The following CACNA2D3 variants were observed in gnomAD, a reference collection of about 807,000 sequenced individuals.
CACNA2D3 encodes voltage-dependent calcium channel subunit alpha-2/delta-3.
A neutral mutation model predicts 160.6 loss-of-function variants in CACNA2D3; 60 were observed. The observed-to-expected ratio is 0.37, with a 90% confidence interval of 0.30 to 0.46. The LOEUF (loss-of-function observed/expected upper bound fraction) is 0.46. CACNA2D3 is among the 20% of genes least tolerant of loss of function. The pLI, the probability that CACNA2D3 is intolerant of heterozygous loss-of-function variation, is 1.00. For missense variants in CACNA2D3, 1,205 were observed against 1,365.0 expected (o/e 0.88, Z 1.85); for synonymous variants, 558 against 492.9 (o/e 1.13, Z -1.75).
At chr3:54,929,490 G>A (rs937224645) in intron 27 of CACNA2D3, among the ~76,000 whole-genome samples, 2 of 152,094 alleles carry the variant, frequency 1.3e-5, no homozygotes, top group African/African-American at 4.8e-5. Context: ...ATCAAATTTT[G>A]ATTATTTTCA....
Position 54,944,814 on chromosome 3 carries a change from G to GGTGT in CACNA2D3, c.2450-23611_2450-23608dup, listed in dbSNP as rs34193625. ...TATATTGACTGTAGTTAGAGCTGGG[G>GGTGT]GTGTGTGTGTGTGTGTGTGTGTGTG... is the stretch of plus-strand genomic sequence containing the variant. On this transcript the variant is annotated intron_variant, in intron 27 of 37. Coordinates refer to ENST00000474759, the MANE Select transcript of CACNA2D3 (RefSeq NM_018398.3). Among the ~76,000 whole-genome samples, 341 of 111,398 alleles carry GGTGT rather than the reference G, an allele frequency of 3.1e-3. 1 individual carries two copies. Among genetic ancestry groups the GGTGT allele is most frequent in the African/African-American group, 8.5e-3 (196 of 23,116 alleles). 73.1% of individuals were successfully genotyped at this position (111,398 alleles called of 152,430 possible). A position where few individuals can be genotyped will look rare whatever the true frequency, so the allele number is the denominator to read the frequency against.
intron 2 of CACNA2D3, among the ~76,000 whole-genome samples, chr3:54,291,771 G>A (rs57079800): frequency 0.22 from 33,009 of 152,038 alleles, 3,721 homozygotes; most frequent in East Asian, 0.32. Context: ...TCTAGGAATG[G>A]GAGTGCTGAA....
At chr3:54,122,985 G>T (rs1018467733) in intron 1 of CACNA2D3, 150 bp downstream of exon 1, 3 of 698,430 alleles carry the variant, frequency 4.3e-6, no homozygotes, top group Non-Finnish European at 5.8e-6. Context: ...GACCCGCGTC[G>T]GGCGGCGAGG....
chr3:54,841,184 C>T (rs192305246), intron 16 of CACNA2D3, among the ~76,000 whole-genome samples: 2 of 152,338 alleles, frequency 1.3e-5, no homozygotes, highest in East Asian at 1.9e-4. Flanking sequence ...AAGTACTTTA[C>T]ATGCATTATT....
intron 29 of CACNA2D3, among the ~76,000 whole-genome samples, chr3:54,978,324 C>A (rs1037603786): frequency 5.3e-5 from 8 of 152,052 alleles, no homozygotes; most frequent in African/African-American, 1.9e-4. Flanking sequence ...ACCCTTAATC[C>A]TAAGGGTTGC....
chr3:54,700,394 CATTTA>C, intron 11 of CACNA2D3, among the ~76,000 whole-genome samples: 1 of 152,356 alleles, frequency 6.6e-6, no homozygotes, highest in East Asian at 1.9e-4. Flanking sequence ...TTAAAATTCA[CATTTA>C]ATTTAATTAA....
intron 27 of CACNA2D3, among the ~76,000 whole-genome samples, chr3:54,905,008 T>C (rs543364023): frequency 6.6e-6 from 1 of 152,204 alleles, no homozygotes; most frequent in Non-Finnish European, 1.5e-5. Context: ...AGGTGATGCT[T>C]AGAATAGCTA....
At chr3:54,501,712 G>A (rs1321781541) in intron 4 of CACNA2D3, among the ~76,000 whole-genome samples, 1 of 151,970 alleles carries the variant, frequency 6.6e-6, no homozygotes, top group Non-Finnish European at 1.5e-5. Context: ...GAGCCACTGT[G>A]CCTGGCCAAA....
intron 27 of CACNA2D3, among the ~76,000 whole-genome samples, chr3:54,919,280 T>G (rs949734990): frequency 2.0e-5 from 3 of 152,246 alleles, no homozygotes; most frequent in Admixed American, 6.5e-5. Flanking sequence ...AGAAAACTTT[T>G]GTACCAGATT....
At chr3:54,481,969 G>C (rs1024626939) in intron 4 of CACNA2D3, among the ~76,000 whole-genome samples, 1 of 152,140 alleles carries the variant, frequency 6.6e-6, no homozygotes, top group Non-Finnish European at 1.5e-5. Flanking sequence ...AGATATTTAC[G>C]TTCCTTTGGG....
chr3:54,557,282 C>T (rs55771781), intron 5 of CACNA2D3, among the ~76,000 whole-genome samples: 2 of 152,080 alleles, frequency 1.3e-5, no homozygotes, highest in Admixed American at 6.6e-5. Context: ...AATCGAAGCC[C>T]CCTCTTCTTG....
At chr3:54,657,890 A>G (rs1456278327) in intron 11 of CACNA2D3, among the ~76,000 whole-genome samples, 2 of 152,102 alleles carry the variant, frequency 1.3e-5, no homozygotes, top group African/African-American at 4.8e-5. Context: ...TTAGCCTGGC[A>G]TGGTGGCACA....
At chr3:55,055,840 G>T in intron 35 of CACNA2D3, among the ~76,000 whole-genome samples, 1 of 152,030 alleles carries the variant, frequency 6.6e-6, no homozygotes, top group South Asian at 2.1e-4. Context: ...TTTTTGAATA[G>T]TTCAGTGTTA....
intron 4 of CACNA2D3, among the ~76,000 whole-genome samples, chr3:54,460,679 A>C (rs1700486472): frequency 6.6e-6 from 1 of 152,190 alleles, no homozygotes; most frequent in South Asian, 2.1e-4. Context: ...TTTTGGGCTG[A>C]GGCAATGGGG....
At chr3:54,937,989 G>C (rs1205841509) in intron 27 of CACNA2D3, among the ~76,000 whole-genome samples, 1 of 152,210 alleles carries the variant, frequency 6.6e-6, no homozygotes, top group African/African-American at 2.4e-5. Context: ...GCCCCTTGCT[G>C]TCCCTCAGTA....
chr3:54,192,835 G>A (rs1159956512), intron 2 of CACNA2D3, among the ~76,000 whole-genome samples: 2 of 152,208 alleles, frequency 1.3e-5, no homozygotes, highest in African/African-American at 2.4e-5. Context: ...TTCAAATGGA[G>A]CAGGTATTAT....
intron 11 of CACNA2D3, among the ~76,000 whole-genome samples, chr3:54,747,943 A>C (rs1427860334): frequency 6.6e-6 from 1 of 152,208 alleles, no homozygotes; most frequent in Non-Finnish European, 1.5e-5. Context: ...CAAATACATA[A>C]ACATTCTCTA....
intron 35 of CACNA2D3, among the ~76,000 whole-genome samples, chr3:55,064,912 A>G (rs911438630): frequency 1.3e-5 from 2 of 152,178 alleles, no homozygotes; most frequent in Non-Finnish European, 2.9e-5. Context: ...GGCAGGGGCA[A>G]GCTTTAGGGA....
At chr3:54,942,483 T>C (rs1701497567) in intron 27 of CACNA2D3, among the ~76,000 whole-genome samples, 1 of 152,208 alleles carries the variant, frequency 6.6e-6, no homozygotes, top group African/African-American at 2.4e-5. Flanking sequence ...AATCTGCTGA[T>C]TATATGCTCC....
Sources: allele counts gnomAD v4.1 joint callset (sites outside exome capture counted in the v4.1 genomes callset), GRCh38; gene constraint gnomAD v4.1.1; transcripts MANE v1.5; gene names NCBI Gene and HGNC (gene_info 2026-07-23, HGNC 2026-07-21).